The following NUDT9 variants were observed in gnomAD, a reference collection of about 807,000 sequenced individuals.
NUDT9 encodes the protein nudix hydrolase 9.
In NUDT9, 31 loss-of-function variants were observed where a neutral mutation model predicts 41.0. That is an observed-to-expected ratio of 0.76 (90% CI 0.57 to 1.02). The LOEUF (loss-of-function observed/expected upper bound fraction) is 1.02, where lower values mean the gene tolerates loss of function less well. NUDT9 is among the 50% of genes least tolerant of loss of function. NUDT9 has a pLI of 0.00. For synonymous variants in NUDT9, 146 were observed against 147.6 expected, an observed-to-expected ratio of 0.99 and a Z score of 0.08; for missense variants, 380 against 431.4, an observed-to-expected ratio of 0.88 and a Z score of 1.06.
intron 5 of NUDT9, among the ~76,000 whole-genome samples, chr4:87,449,781 C>A (rs899178101): frequency 6.6e-6 from 1 of 152,064 alleles, no homozygotes; most frequent in Non-Finnish European, 1.5e-5. Flanking sequence ...ATAATGTTAT[C>A]AAGATGAGTA....
intron 2 of NUDT9, among the ~76,000 whole-genome samples, chr4:87,437,293 T>C (rs886965437): frequency 3.3e-5 from 5 of 151,618 alleles, no homozygotes. Context: ...ATAATTTTTT[T>C]TGTGGCATGA....
At chr4:87,427,723 C>G (rs7673045) in intron 1 of NUDT9, among the ~76,000 whole-genome samples, 102,538 of 151,994 alleles carry the variant, frequency 0.67, 35,360 homozygotes, top group African/African-American at 0.82. Flanking sequence ...AGTGGAACAG[C>G]ATTAGTGTTT....
At chr4:87,450,953 G>A (rs1578079316) in intron 5 of NUDT9, among the ~76,000 whole-genome samples, 1 of 152,266 alleles carries the variant, frequency 6.6e-6, no homozygotes, top group East Asian at 1.9e-4. Flanking sequence ...TCCAGTTGGA[G>A]AGACAGATAA....
chr4:87,447,073 A>G (rs921531043), intron 4 of NUDT9, among the ~76,000 whole-genome samples: 2 of 152,236 alleles, frequency 1.3e-5, no homozygotes, highest in African/African-American at 2.4e-5. Context: ...ATCTTGTCGT[A>G]TAAGCCTGTT....
chr4:87,433,542 A>G (rs1046458947), intron 1 of NUDT9, among the ~76,000 whole-genome samples: 1 of 152,208 alleles, frequency 6.6e-6, no homozygotes, highest in African/African-American at 2.4e-5. Flanking sequence ...GGTCAAGTGG[A>G]TATTTGCCCC....
chr4:87,426,240 C>CATATGACGTG (rs1721411134), intron 1 of NUDT9, among the ~76,000 whole-genome samples: 1 of 150,768 alleles, frequency 6.6e-6, no homozygotes, highest in African/African-American at 2.4e-5. Context: ...TGTTTTATTC[C>CATATGACGTG]TGTGAATGCA....
At position 87,438,377 on chromosome 4, in the gene NUDT9, G is replaced by T; in HGVS notation, c.443+5G>T. Reference sequence around the variant, plus strand: ...GATTGAAAATGGAAGACCGAGGTAGGTACTGGGAGCAGAGCATCTTACAAT... The same window carrying T: ...GATTGAAAATGGAAGACCGAGGTAGTTACTGGGAGCAGAGCATCTTACAAT... On this transcript the variant is annotated splice_donor_5th_base_variant and intron_variant, in intron 3 of 7. Transcript: ENST00000302174. The T allele has an allele frequency of 1.3e-6, 2 of 1,526,274 alleles. No homozygotes were observed. The highest frequency in any genetic ancestry group is 1.8e-6 in the Non-Finnish European group (2 of 1,100,948). The allele number at this position is 1,526,274 out of a possible 1,614,324, so 94.5% of individuals were successfully genotyped here.
At chr4:87,456,523 C>T (rs1334379668) in intron 7 of NUDT9, among the ~76,000 whole-genome samples, 4 of 152,182 alleles carry the variant, frequency 2.6e-5, no homozygotes, top group Non-Finnish European at 1.5e-5. Context: ...CCAGTCTTCA[C>T]CTGGTGGCTT....
chr4:87,429,083 C>T (rs181666789), intron 1 of NUDT9, among the ~76,000 whole-genome samples: 8 of 152,138 alleles, frequency 5.3e-5, no homozygotes, highest in South Asian at 4.1e-4. Context: ...CTATATACAC[C>T]GAAGAGGGAC....
At chr4:87,438,449 C>A in intron 3 of NUDT9, 77 bp downstream of exon 3, 1 of 777,040 alleles carries the variant, frequency 1.3e-6, no homozygotes, top group Non-Finnish European at 2.3e-6. Flanking sequence ...TTATCAAATC[C>A]TTGTATGTGC....
chr4:87,448,758 C>T (rs879831894), intron 4 of NUDT9, among the ~76,000 whole-genome samples: 6 of 152,134 alleles, frequency 3.9e-5, no homozygotes, highest in Admixed American at 3.3e-4. Context: ...CGAGACACTG[C>T]GCCTGGCAAC....
intron 4 of NUDT9, among the ~76,000 whole-genome samples, chr4:87,448,138 ATTTTTTTTT>A (rs1213818782): frequency 3.2e-5 from 3 of 92,384 alleles, no homozygotes; most frequent in East Asian, 3.2e-4. Context: ...TTAAAAGCAA[ATTTTTTTTT>A]TTTTTTTTTT....
intron 5 of NUDT9, among the ~76,000 whole-genome samples, 187 bp downstream of exon 5, chr4:87,449,440 T>A (rs1318845942): frequency 3.3e-5 from 5 of 152,210 alleles, no homozygotes; most frequent in African/African-American, 1.2e-4. Flanking sequence ...AATCCAAGAC[T>A]GTTAGAATCT....
chr4:87,438,140 A>G lies in NUDT9; in HGVS notation c.348-137A>G, dbSNP rs1223798194. 2.4e-5 allele frequency: 8 copies of G among 336,236 alleles called. No individual in the cohort carries two copies. The East Asian group carries it at 3.4e-4, about 14-fold the overall frequency. The allele number at this position is 336,236 out of a possible 1,614,324, so 20.8% of individuals were successfully genotyped here. On this transcript the variant is annotated intron_variant, in intron 2 of 7. Transcript: ENST00000302174. ...TTGAAGGAATAAGATGGATTTGTGA[A>G]AAAAAAAAAAAAACTAACCCTTAAA...
chr4:87,457,830 C>T lies in NUDT9; in HGVS notation c.875-13C>T. On this transcript the variant is annotated splice_polypyrimidine_tract_variant and intron_variant, in intron 7 of 7. Transcript: ENST00000302174. ...TGAGTTTTTCTTGGTGATGGTTTTT[C>T]TTTGGCAACCAGGTGAGATAATGGA... 6.2e-7 allele frequency: 1 copy of T among 1,602,942 alleles called. No homozygotes were observed. Among genetic ancestry groups the T allele is most frequent in the Admixed American group, 1.8e-5 (1 of 56,960 alleles).
At chr4:87,440,991 T>A (rs1722180923) in intron 3 of NUDT9, among the ~76,000 whole-genome samples, 1 of 152,036 alleles carries the variant, frequency 6.6e-6, no homozygotes, top group South Asian at 2.1e-4. Flanking sequence ...TATTTCTGAG[T>A]CTAGTACAAA....
chr4:87,444,607 T>G (rs549771709), intron 4 of NUDT9, among the ~76,000 whole-genome samples: 1 of 152,306 alleles, frequency 6.6e-6, no homozygotes, highest in South Asian at 2.1e-4. Flanking sequence ...CAGGAAGGTA[T>G]GAAATGTTTG....
chr4:87,458,724 C>G lies in NUDT9; in HGVS notation c.*703C>G, dbSNP rs1723092122. 1 of 152,132 alleles carries G rather than the reference C, an allele frequency of 6.6e-6. No individual in the cohort carries two copies. Among genetic ancestry groups the G allele is most frequent in the African/African-American group, 2.4e-5 (1 of 41,418 alleles). The allele number at this position is 152,132 out of a possible 1,614,324, so 9.4% of individuals were successfully genotyped here. On this transcript the variant is annotated 3_prime_UTR_variant, in exon 8 of 8. Transcript: ENST00000302174. ...TTTAAATCAGTATGTTCATTTCACT[C>G]TAGTGAAACTACTATATGTTGTAAA... is the stretch of plus-strand genomic sequence containing the variant.
intron 3 of NUDT9, 53 bp from the exon 4 acceptor site, chr4:87,441,776 G>A (rs1722210979): frequency 7.1e-7 from 1 of 1,399,130 alleles, no homozygotes; most frequent in Non-Finnish European, 1.0e-6. Context: ...TATCAAATCA[G>A]GTTAAAAAGA....
Sources: allele counts gnomAD v4.1 joint callset (sites outside exome capture counted in the v4.1 genomes callset), GRCh38; gene constraint gnomAD v4.1.1; transcripts MANE v1.5; gene names NCBI Gene and HGNC (gene_info 2026-07-23, HGNC 2026-07-21).